Variants in THSD7A observed in about 807,000 individuals in gnomAD.
THSD7A encodes the protein thrombospondin type-1 domain-containing protein 7A.
Under a neutral mutation model 231.3 loss-of-function variants are expected in THSD7A, and 96 were observed. The observed-to-expected ratio is 0.41, with a 90% CI of 0.35 to 0.49. THSD7A has a LOEUF of 0.49. Ranked by LOEUF, THSD7A falls within the 20% of genes least tolerant of loss-of-function variation. The pLI is 0.05. For synonymous variants in THSD7A, 940 were observed against 743.3 expected, an observed-to-expected ratio of 1.26 and a Z score of -4.30; for missense variants, 2,290 against 2,070.2, an observed-to-expected ratio of 1.11 and a Z score of -2.06.
chr7:11,609,893 A>G (rs1476317934), intron 2 of THSD7A, among the ~76,000 whole-genome samples: 3 of 152,154 alleles, frequency 2.0e-5, no homozygotes, highest in Admixed American at 6.6e-5. Flanking sequence ...AAAGACCTGC[A>G]TATCTGTCCT....
chr7:11,760,976 T>G (rs1782839207), intron 1 of THSD7A, among the ~76,000 whole-genome samples: 1 of 148,100 alleles, frequency 6.8e-6, no homozygotes, highest in Non-Finnish European at 1.5e-5. Flanking sequence ...ATTTATATAT[T>G]TATATATAAT....
intron 1 of THSD7A, among the ~76,000 whole-genome samples, chr7:11,791,122 T>C (rs934916970): frequency 6.6e-6 from 1 of 152,032 alleles, no homozygotes; most frequent in Admixed American, 6.6e-5. Flanking sequence ...CTTCAATTTC[T>C]GTGGAGAAGA....
chr7:11,497,898 A>T (rs1787168163), intron 6 of THSD7A, among the ~76,000 whole-genome samples: 3 of 152,156 alleles, frequency 2.0e-5, no homozygotes, highest in Admixed American at 2.0e-4. Flanking sequence ...GTGATGAGTG[A>T]ATAAGCGATC....
At chr7:11,543,167 A>G (rs750593421) in intron 4 of THSD7A, 50 bp from the exon 5 acceptor site, 2 of 1,516,488 alleles carry the variant, frequency 1.3e-6, no homozygotes, top group South Asian at 2.4e-5. Context: ...AGGAACATAT[A>G]TGGCCAACAA....
intron 4 of THSD7A, among the ~76,000 whole-genome samples, chr7:11,559,603 T>C (rs1789995616): frequency 6.6e-6 from 1 of 151,680 alleles, no homozygotes; most frequent in Non-Finnish European, 1.5e-5. Flanking sequence ...ATAACAAAAC[T>C]GTTGCAATAA....
intron 11 of THSD7A, among the ~76,000 whole-genome samples, chr7:11,457,681 C>T (rs910481708): frequency 5.3e-5 from 8 of 152,156 alleles, no homozygotes; most frequent in East Asian, 3.9e-4. Flanking sequence ...CATTTATAGC[C>T]TTCCACAAAA....
At chr7:11,703,408 TA>T (rs1271114272) in intron 1 of THSD7A, among the ~76,000 whole-genome samples, 1 of 151,208 alleles carries the variant, frequency 6.6e-6, no homozygotes, top group Non-Finnish European at 1.5e-5. Context: ...TCCTACCCAA[TA>T]AGTGGCAGCA....
intron 6 of THSD7A, among the ~76,000 whole-genome samples, chr7:11,508,489 A>G (rs1787653367): frequency 6.6e-6 from 1 of 152,232 alleles, no homozygotes. Flanking sequence ...CTTGTACATT[A>G]TTGATGAGAA....
At chr7:11,776,134 A>C (rs1583281123) in intron 1 of THSD7A, among the ~76,000 whole-genome samples, 1 of 152,314 alleles carries the variant, frequency 6.6e-6, no homozygotes, top group Non-Finnish European at 1.5e-5. Context: ...CTTTCAATGA[A>C]GCAAACTAAA....
intron 1 of THSD7A, among the ~76,000 whole-genome samples, chr7:11,768,234 G>A (rs910629854): frequency 1.3e-5 from 2 of 152,048 alleles, no homozygotes; most frequent in Non-Finnish European, 1.5e-5. Context: ...AAAGACCTTG[G>A]GCCATTATAA....
At position 11,446,279 on chromosome 7, in the gene THSD7A, G is replaced by A; in HGVS notation, c.2846C>T (p.Pro949Leu). 6.2e-7 allele frequency: 1 copy of A among 1,612,664 alleles called. No individual in the cohort carries two copies. Among genetic ancestry groups the A allele is most frequent in the South Asian group, 1.1e-5 (1 of 90,864 alleles). The change falls in exon 13 of 28, where the codon CCC (proline) becomes CTC (leucine). Residue 949 changes from proline (P) to leucine (L), a missense_variant. Transcript: ENST00000423059. This position sits in a 1 kb window ranked among gnomAD's most constrained non-coding sequence, Gnocchi z 4.0. Reference protein sequence around the residue: ...KEKCKNSHLYPLIETQYCPCD... With the variant: ...KEKCKNSHLYLLIETQYCPCD... The stretch of plus-strand genomic sequence containing the variant: ...AGGACAATACTGAGTCTCAATCAGG[G>A]GATACAAATGGGAATTTTTACATTT...
intron 13 of THSD7A, among the ~76,000 whole-genome samples, chr7:11,431,766 T>C (rs955652705): frequency 3.3e-5 from 5 of 152,170 alleles, no homozygotes; most frequent in African/African-American, 4.8e-5. Context: ...GTCAAATTTG[T>C]TGATCAACTT....
chr7:11,739,459 T>C (rs1782030853), intron 1 of THSD7A, among the ~76,000 whole-genome samples: 1 of 152,012 alleles, frequency 6.6e-6, no homozygotes, highest in South Asian at 2.1e-4. Context: ...AATATAGGGA[T>C]GAAGAAAGTG....
intron 1 of THSD7A, among the ~76,000 whole-genome samples, chr7:11,656,511 G>A (rs887317668): frequency 2.0e-5 from 3 of 151,778 alleles, no homozygotes; most frequent in African/African-American, 4.8e-5. Context: ...GTTCTCTACC[G>A]GAATTTATTT....
At chr7:11,582,425 C>A (rs970688827) in intron 4 of THSD7A, among the ~76,000 whole-genome samples, 1 of 151,994 alleles carries the variant, frequency 6.6e-6, no homozygotes, top group Non-Finnish European at 1.5e-5. Context: ...TGTTTCCTAT[C>A]CTATATTATT....
intron 1 of THSD7A, among the ~76,000 whole-genome samples, chr7:11,724,695 GA>G (rs1189811128): frequency 6.6e-6 from 1 of 151,762 alleles, no homozygotes; most frequent in East Asian, 2.0e-4. Context: ...TTTTAAAATG[GA>G]AAAAGTCATT....
At chr7:11,789,995 T>A (rs1015274570) in intron 1 of THSD7A, among the ~76,000 whole-genome samples, 1 of 151,998 alleles carries the variant, frequency 6.6e-6, no homozygotes, top group African/African-American at 2.4e-5. Flanking sequence ...CAAAAAGTTA[T>A]AAAAATTCAC....
intron 11 of THSD7A, 72 bp downstream of exon 11, chr7:11,460,590 G>A: frequency 8.2e-7 from 1 of 1,222,702 alleles, no homozygotes; most frequent in African/African-American, 1.5e-5. Context: ...TGGTGTCCAA[G>A]TGGCAAATGC....
At chr7:11,400,345 G>A (rs1011588838) in intron 23 of THSD7A, among the ~76,000 whole-genome samples, 2 of 152,126 alleles carry the variant, frequency 1.3e-5, no homozygotes, top group Non-Finnish European at 2.9e-5. Flanking sequence ...TCAGTTGAAT[G>A]CTTAGTTCAT....
Sources: gnomAD v4.1 joint callset for allele counts (sites outside exome capture counted in the v4.1 genomes callset) on GRCh38, gnomAD v4.1.1 for gene constraint, Gnocchi (gnomAD v3.1) non-coding constraint, MANE v1.5 for transcripts, NCBI Gene and HGNC (gene_info 2026-07-23, HGNC 2026-07-21) for gene names.